Variants in TMEM114 observed in about 807,000 individuals in gnomAD.
TMEM114 encodes claudin-26.
Under a neutral mutation model 6.2 loss-of-function variants are expected in TMEM114, and 6 were observed. That is an observed-to-expected ratio of 0.97 (90% CI 0.53 to 1.91). The LOEUF is 1.91. Among genes scored for constraint, TMEM114 ranks in the 40% most tolerant of loss-of-function variants. The pLI is 0.01. For synonymous variants in TMEM114, 104 were observed against 73.0 expected (o/e 1.42, Z -2.16); for missense variants, 218 against 158.3 (o/e 1.38, Z -2.02).
downstream of TMEM114, chr16:8,569,459 C>A (rs34611293): frequency 3.4e-6 from 4 of 1,186,266 alleles, no homozygotes; most frequent in African/African-American, 1.6e-5. Context: ...GAAATGAAGT[C>A]GGAGGGGGCG....
chr16:8,559,114 C>G (rs1901115721), intron 2 of TMEM114, among the ~76,000 whole-genome samples: 1 of 152,076 alleles, frequency 6.6e-6, no homozygotes, highest in African/African-American at 2.4e-5. Flanking sequence ...ATGATCTCGG[C>G]TCACTGCAAC....
intron 3 of TMEM114, 130 bp downstream of exon 3, chr16:8,571,957 A>T: frequency 8.5e-7 from 1 of 1,176,918 alleles, no homozygotes; most frequent in Non-Finnish European, 1.2e-6. Flanking sequence ...CTTCCAACTG[A>T]TATCCCAGAA....
chr16:8,562,680 G>GTCAA (rs1901299462), intron 2 of TMEM114, among the ~76,000 whole-genome samples: 1 of 148,928 alleles, frequency 6.7e-6, no homozygotes, highest in African/African-American at 2.6e-5. Flanking sequence ...GAGGGAATGA[G>GTCAA]TGAGTGAGGG....
downstream of TMEM114, among the ~76,000 whole-genome samples, chr16:8,536,095 T>TGG (rs1900349899): frequency 6.6e-6 from 1 of 151,836 alleles, no homozygotes; most frequent in Admixed American, 6.6e-5. Context: ...TGTGGTGACG[T>TGG]GCACCTGTAA....
At chr16:8,534,712 T>C (rs1900306839), downstream of TMEM114, among the ~76,000 whole-genome samples, 1 of 152,224 alleles carries the variant, frequency 6.6e-6, no homozygotes, top group Non-Finnish European at 1.5e-5. Flanking sequence ...CTCAGGACTC[T>C]CACTTATAAA....
intron 2 of TMEM114, among the ~76,000 whole-genome samples, chr16:8,584,918 G>A (rs138078081): frequency 0.015 from 1,545 of 103,332 alleles, 35 homozygotes; most frequent in African/African-American, 0.051. Flanking sequence ...GTGAAACGCC[G>A]TCTCAAAAAA....
At chr16:8,571,918 A>T (rs535786840) in intron 3 of TMEM114, among the ~76,000 whole-genome samples, 169 bp downstream of exon 3, 4 of 152,254 alleles carry the variant, frequency 2.6e-5, no homozygotes, top group Admixed American at 6.5e-5. Flanking sequence ...CCAGAGACTA[A>T]GTGATTCTGG....
At chr16:8,582,660 C>A (rs775660527) in intron 2 of TMEM114, among the ~76,000 whole-genome samples, 1 of 152,102 alleles carries the variant, frequency 6.6e-6, no homozygotes, top group Non-Finnish European at 1.5e-5. Flanking sequence ...GAGGCCGAGG[C>A]GGGTGGATCA....
the TMEM114 span, among the ~76,000 whole-genome samples, chr16:8,529,906 G>C: frequency 8.3e-4 from 127 of 152,246 alleles, no homozygotes; most frequent in African/African-American, 3.0e-3. Flanking sequence ...GGATTTCTAT[G>C]AATTAGTATT....
At chr16:8,531,063 G>A in the TMEM114 span, among the ~76,000 whole-genome samples, 1 of 151,982 alleles carries the variant, frequency 6.6e-6, no homozygotes, top group Admixed American at 6.5e-5. Flanking sequence ...GAGGGAGGGA[G>A]GAGTGAGGAA....
chr16:8,573,599 T>C (rs1048516889), intron 2 of TMEM114, among the ~76,000 whole-genome samples: 9 of 152,224 alleles, frequency 5.9e-5, no homozygotes, highest in African/African-American at 2.2e-4. Flanking sequence ...ATCCTTCATT[T>C]ACCAAATGTG....
intron 2 of TMEM114, among the ~76,000 whole-genome samples, chr16:8,557,123 C>A (rs1431740473): frequency 6.6e-6 from 1 of 152,100 alleles, no homozygotes; most frequent in Non-Finnish European, 1.5e-5. Flanking sequence ...TCCCCCATGC[C>A]CTTGTTAGAA....
chr16:8,535,852 AG>A (rs1338471192), downstream of TMEM114, among the ~76,000 whole-genome samples: 1 of 152,214 alleles, frequency 6.6e-6, no homozygotes, highest in African/African-American at 2.4e-5. Flanking sequence ...CCCATGTTTT[AG>A]CCCCGGCTCT....
At chr16:8,553,616 G>C (rs1900913386) in intron 2 of TMEM114, among the ~76,000 whole-genome samples, 1 of 152,156 alleles carries the variant, frequency 6.6e-6, no homozygotes, top group African/African-American at 2.4e-5. Context: ...CTCCCAAGTA[G>C]CTGGGACTGC....
At chr16:8,561,163 C>T (rs375477584) in intron 2 of TMEM114, among the ~76,000 whole-genome samples, 2 of 152,202 alleles carry the variant, frequency 1.3e-5, no homozygotes, top group South Asian at 4.1e-4. Flanking sequence ...GGGGACACAG[C>T]CAAACCATAA....
chr16:8,530,638 G>T, the TMEM114 span, among the ~76,000 whole-genome samples: 1 of 152,002 alleles, frequency 6.6e-6, no homozygotes, highest in Non-Finnish European at 1.5e-5. Context: ...GGGAGGTAAG[G>T]GGGGACGGAT....
chr16:8,563,446 T>C (rs62646469), intron 2 of TMEM114, among the ~76,000 whole-genome samples: 3 of 135,852 alleles, frequency 2.2e-5, no homozygotes, highest in African/African-American at 8.5e-5. Context: ...AATGAGTAAG[T>C]GAATGAGTGA....
At chr16:8,565,567 C>A (rs1280976247), downstream of TMEM114, among the ~76,000 whole-genome samples, 1 of 152,126 alleles carries the variant, frequency 6.6e-6, no homozygotes, top group South Asian at 2.1e-4. Flanking sequence ...ATCCCCTCCT[C>A]TAACCCCCGG....
chr16:8,574,298 C>T (rs148077375), intron 2 of TMEM114, among the ~76,000 whole-genome samples: 15 of 152,250 alleles, frequency 9.9e-5, no homozygotes, highest in East Asian at 9.6e-4. Context: ...TTGGGCAACA[C>T]GGGGCAATGT....
Sources: gnomAD v4.1 joint callset for allele counts (sites outside exome capture counted in the v4.1 genomes callset) on GRCh38, gnomAD v4.1.1 for gene constraint, MANE v1.5 for transcripts, NCBI Gene and HGNC (gene_info 2026-07-23, HGNC 2026-07-21) for gene names.